Variants in SLC17A9 observed in about 807,000 individuals in gnomAD.
SLC17A9 encodes the protein voltage-gated purine nucleotide uniporter SLC17A9.
In SLC17A9, 49 loss-of-function variants were observed where a neutral mutation model predicts 55.0. That is an observed-to-expected ratio of 0.89 (90% CI 0.71 to 1.13). The LOEUF is 1.13. SLC17A9 is among the 50% of genes most tolerant of loss of function. SLC17A9 has a pLI of 0.00. For missense variants in SLC17A9, 526 were observed against 569.3 expected, an observed-to-expected ratio of 0.92 and a Z score of 0.77; for synonymous variants, 256 against 247.4, an observed-to-expected ratio of 1.03 and a Z score of -0.32.
At position 62,958,407 on chromosome 20, in the gene SLC17A9, G is replaced by A. The variant is rs1338714740; in HGVS notation, c.397+827G>A. ...GGCCTTGGAGCGCCTTAACTGTCAG[G>A]AGAACAAGGTGGGTGGGGGGGCCAA... On this transcript the variant is annotated intron_variant, in intron 3 of 12. Coordinates refer to ENST00000370351, the MANE Select transcript of SLC17A9 (RefSeq NM_022082.4). The surrounding 1 kb of genome is among the most constrained non-coding windows in gnomAD (Gnocchi z 4.1). 1.3e-5 allele frequency among the ~76,000 whole-genome samples: 2 copies of A among 151,586 alleles called. No individual in the cohort carries two copies. Among genetic ancestry groups the A allele is most frequent in the East Asian group, 3.9e-4 (2 of 5,144 alleles).
intron 1 of SLC17A9, among the ~76,000 whole-genome samples, chr20:62,956,122 G>A (rs564556080): frequency 8.5e-5 from 13 of 152,320 alleles, no homozygotes; most frequent in African/African-American, 1.4e-4. Flanking sequence ...GATCTCGCCC[G>A]GCCTCCCTCA....
At chr20:62,964,895 C>G in intron 8 of SLC17A9, 1 of 555,406 alleles carries the variant, frequency 1.8e-6, no homozygotes, top group South Asian at 2.5e-5. Context: ...TGTGGCTGTT[C>G]TGTGTTTCTG....
chr20:62,958,401 T>C lies in SLC17A9; in HGVS notation c.397+821T>C, dbSNP rs554453706. On this transcript the variant is annotated intron_variant, in intron 3 of 12. Coordinates refer to ENST00000370351, the MANE Select transcript of SLC17A9 (RefSeq NM_022082.4). This position sits in a 1 kb window ranked among gnomAD's most constrained non-coding sequence, Gnocchi z 4.1. ...TACTAGGGCCTTGGAGCGCCTTAACTGTCAGGAGAACAAGGTGGGTGGGGG... is the reference window on the plus strand; with the variant it reads ...TACTAGGGCCTTGGAGCGCCTTAACCGTCAGGAGAACAAGGTGGGTGGGGG... 2.1e-3 allele frequency among the ~76,000 whole-genome samples: 321 copies of C among 150,722 alleles called. 1 individual carries two copies. Among genetic ancestry groups the C allele is most frequent in the African/African-American group, 7.6e-3 (312 of 41,254 alleles).
Position 62,963,334 on chromosome 20 carries a change from C to T in SLC17A9, c.690C>T (p.Val230=). Residue 230 remains valine, a synonymous_variant, in exon 6 of 13, where the codon GTC becomes GTT. Coordinates refer to ENST00000370351, the MANE Select transcript of SLC17A9 (RefSeq NM_022082.4). Reference sequence around the variant, plus strand: ...GGCCGGTGTCCAGGCACAACAGAGTCCCCTGGAGACGGCTCTTCCGGAAGC... The same window carrying T: ...GGCCGGTGTCCAGGCACAACAGAGTTCCCTGGAGACGGCTCTTCCGGAAGC... ...QSRPVSRHNR[V]PWRRLFRKPA... is the part of the protein sequence containing the mutation. 9.3e-6 allele frequency: 15 copies of T among 1,613,252 alleles called. No individual in the cohort carries two copies. The highest frequency in any genetic ancestry group is 1.3e-5 in the African/African-American group (1 of 75,060).
At chr20:62,960,782 C>G (rs1261040652) in intron 4 of SLC17A9, among the ~76,000 whole-genome samples, 179 bp downstream of exon 4, 1 of 152,248 alleles carries the variant, frequency 6.6e-6, no homozygotes, top group Non-Finnish European at 1.5e-5. Context: ...GGTACCAGCC[C>G]CGGGCACCGC....
intron 3 of SLC17A9, among the ~76,000 whole-genome samples, chr20:62,959,016 G>C (rs1211424399): frequency 6.6e-6 from 1 of 152,228 alleles, no homozygotes; most frequent in East Asian, 1.9e-4. Flanking sequence ...CACTGCAGGA[G>C]CTGGAGGAGG....
chr20:62,960,378 C>T, intron 3 of SLC17A9, 126 bp from the exon 4 acceptor site: 2 of 829,456 alleles, frequency 2.4e-6, no homozygotes. Flanking sequence ...GCTGGTCCCT[C>T]GGGTGGGGAG....
At position 62,956,953 on chromosome 20, in the gene SLC17A9, T is replaced by C. The variant is rs747305766; in HGVS notation, c.248T>C (p.Leu83Pro). 1 of 1,613,288 alleles carries C rather than the reference T, an allele frequency of 6.2e-7. No homozygotes were observed. Among genetic ancestry groups the C allele is most frequent in the South Asian group, 1.1e-5 (1 of 91,074 alleles). The change falls in exon 2 of 13, where the codon CTC (leucine) becomes CCC (proline). Residue 83 changes from leucine (L) to proline (P), a missense_variant. Physicochemically the swap from Leu to Pro is moderately conservative, Grantham distance 98 (BLOSUM62 -3). Transcript: ENST00000370351. Reference sequence around the variant, plus strand: ...CTGACACAGGTTGTGGGCGGCCACCTCGGGGATCGGTAACTGCCCATCTTC... The same window carrying C: ...CTGACACAGGTTGTGGGCGGCCACCCCGGGGATCGGTAACTGCCCATCTTC... Reference protein sequence around the residue: ...YCLTQVVGGHLGDRIGGEKVI... With the variant: ...YCLTQVVGGHPGDRIGGEKVI...
intron 2 of SLC17A9, 47 bp downstream of exon 2, chr20:62,957,009 C>G: frequency 6.2e-7 from 1 of 1,610,024 alleles, no homozygotes; most frequent in Non-Finnish European, 8.5e-7. Context: ...GGCCGCCCCA[C>G]TGGGGCCTCC....
Position 62,967,546 on chromosome 20 carries a change from C to A in SLC17A9, c.*46C>A, listed in dbSNP as rs769927762. 3.1e-6 allele frequency: 5 copies of A among 1,592,196 alleles called. No homozygotes were observed. Among genetic ancestry groups the A allele is most frequent in the Non-Finnish European group, 4.3e-6 (5 of 1,168,026 alleles). ...CCAAGGACCCAGGCGCCAGCAGCCC[C>A]AGGACACAGGGGACTCAGTGTGTGG... is the stretch of plus-strand genomic sequence containing the variant. On this transcript the variant is annotated 3_prime_UTR_variant, in exon 13 of 13. Transcript: ENST00000370351.
In SLC17A9 at chr20:62,963,688, G is replaced by A. The variant is rs759691364; in HGVS notation, c.822+8G>A. 58 of 1,576,462 alleles carry A rather than the reference G, an allele frequency of 3.7e-5. No homozygotes were observed. Among genetic ancestry groups the A allele is most frequent in the Non-Finnish European group, 4.8e-5 (56 of 1,161,336 alleles). ...ACCTTCCCCGACGCCAAGGTGAGTC[G>A]GGGGCTCCCGCAGGGTGAAGGAGCG... is the stretch of plus-strand genomic sequence containing the variant. On this transcript the variant is annotated splice_region_variant and intron_variant, in intron 7 of 12. Coordinates refer to ENST00000370351, the MANE Select transcript of SLC17A9 (RefSeq NM_022082.4).
chr20:62,961,337 C>T (rs890978557), intron 4 of SLC17A9, among the ~76,000 whole-genome samples: 1 of 143,720 alleles, frequency 7.0e-6, no homozygotes, highest in African/African-American at 2.6e-5. Context: ...GGCTGGAGGG[C>T]GGCTTGTCCT....
rs139172277 is a variant in SLC17A9, at chr20:62,962,698, G to C, written c.572G>C (p.Gly191Ala). The change falls in exon 5 of 13, where the codon GGC becomes GCC. Residue 191 changes from glycine to alanine, a missense_variant. Transcript: ENST00000370351. The surrounding 1 kb of genome is among the most constrained non-coding windows in gnomAD (Gnocchi z 5.5). ...TGGCAGAGCATCTTCTATTTCTCCG[G>C]CGGCCTCACCTTGCTTTGGGTGTGG... The part of the protein sequence containing the change: ...YGWQSIFYFS[G>A]GLTLLWVWYV... 1 of 1,614,094 alleles carries C rather than the reference G, an allele frequency of 6.2e-7. No homozygotes were observed. Among genetic ancestry groups the C allele is most frequent in the East Asian group, 2.2e-5 (1 of 44,880 alleles).
Position 62,958,676 on chromosome 20 carries a change from C to T in SLC17A9, c.397+1096C>T, listed in dbSNP as rs2065563375. Among the ~76,000 whole-genome samples, 1 of 152,178 alleles carries T rather than the reference C, an allele frequency of 6.6e-6. No individual in the cohort carries two copies. The highest frequency in any genetic ancestry group is 2.1e-4 in the South Asian group (1 of 4,832). ...GGCCATGGCTCCCCTAGAACCTCTG[C>T]CCTCCCTCTCCTCCAAGTCCAGAGA... On this transcript the variant is annotated intron_variant, in intron 3 of 12. Coordinates refer to ENST00000370351, the MANE Select transcript of SLC17A9 (RefSeq NM_022082.4). This position sits in a 1 kb window ranked among gnomAD's most constrained non-coding sequence, Gnocchi z 4.1.
chr20:62,956,425 A>G (rs2065537255), intron 1 of SLC17A9, among the ~76,000 whole-genome samples: 1 of 151,976 alleles, frequency 6.6e-6, no homozygotes, highest in Non-Finnish European at 1.5e-5. Context: ...TCTGCCACCC[A>G]TCTCCTGGTC....
chr20:62,966,804 T>A, intron 12 of SLC17A9, 72 bp downstream of exon 12: 1 of 1,565,126 alleles, frequency 6.4e-7, no homozygotes, highest in Non-Finnish European at 8.6e-7. Context: ...TGCTGCAGGG[T>A]GGGGTTGTGC....
Position 62,967,796 on chromosome 20 carries a change from T to TTAGTAG in SLC17A9, c.*297_*302dup, listed in dbSNP as rs1255394081. ...GCCGTCAGGGTGGGTGGGGTTATTG[T>TTAGTAG]TAGTAGGCGCAGCCTCATTCCCACC... is the stretch of plus-strand genomic sequence containing the variant. On this transcript the variant is annotated 3_prime_UTR_variant, in exon 13 of 13. Transcript: ENST00000370351. 3.1e-6 allele frequency: 1 copy of TTAGTAG among 321,814 alleles called. No individual in the cohort carries two copies. The allele number at this position is 321,814 out of a possible 1,614,324, so 19.9% of individuals were successfully genotyped here.
At position 62,965,787 on chromosome 20, in the gene SLC17A9, A is replaced by C. The variant is rs1047141832; in HGVS notation, c.1061+62A>C. ...CTGCCCGCACGGCCGAGGCCCGCACATGTGAAGAGGGAGCTCTGTCCGCCT... is the reference window on the plus strand; with the variant it reads ...CTGCCCGCACGGCCGAGGCCCGCACCTGTGAAGAGGGAGCTCTGTCCGCCT... On this transcript the variant is annotated intron_variant, in intron 10 of 12. Coordinates refer to ENST00000370351, the MANE Select transcript of SLC17A9 (RefSeq NM_022082.4). 1.2e-5 allele frequency: 18 copies of C among 1,471,522 alleles called. No individual in the cohort carries two copies. In the South Asian group the frequency reaches 2.0e-4, roughly 17 times the overall value. The allele number at this position is 1,471,522 out of a possible 1,614,324, so 91.2% of individuals were successfully genotyped here.
At position 62,964,291 on chromosome 20, in the gene SLC17A9, C is replaced by A; in HGVS notation, c.886C>A (p.Leu296Ile). The change falls in exon 8 of 13, where the codon CTC becomes ATC. Residue 296 changes from leucine (L) to isoleucine (I), a missense_variant. By Grantham distance (5) the Leu-to-Ile change is conservative (BLOSUM62 2). Transcript: ENST00000370351. ...AIPASLFSGF[L>I]SDHLINQGYR... ...TCCGGCCAGTCTATTCAGCGGGTTTCTCTCTGATCATCTCATCAATCAGGG... is the reference window on the plus strand; with the variant it reads ...TCCGGCCAGTCTATTCAGCGGGTTTATCTCTGATCATCTCATCAATCAGGG... 6.2e-7 allele frequency: 1 copy of A among 1,614,198 alleles called. No individual in the cohort carries two copies. Among genetic ancestry groups the A allele is most frequent in the Non-Finnish European group, 8.5e-7 (1 of 1,180,008 alleles).
Sources: allele counts gnomAD v4.1 joint callset (sites outside exome capture counted in the v4.1 genomes callset), GRCh38; gene constraint gnomAD v4.1.1; non-coding constraint Gnocchi (gnomAD v3.1); transcripts MANE v1.5; gene names NCBI Gene and HGNC (gene_info 2026-07-23, HGNC 2026-07-21).